Variants in ADAMTSL3 observed in about 807,000 individuals in gnomAD.
ADAMTSL3 encodes the protein ADAMTS like 3, also known as ADAMTS-like protein 3.
In ADAMTSL3, 128 loss-of-function variants were observed where a neutral mutation model predicts 201.7. The observed-to-expected ratio is 0.63, with a 90% CI of 0.55 to 0.73. The LOEUF (loss-of-function observed/expected upper bound fraction) is 0.73, where lower values mean the gene tolerates loss of function less well. ADAMTSL3 is among the 30% of genes least tolerant of loss of function. The probability of loss-of-function intolerance (pLI) is 0.00; values close to 1 mark genes in which losing one functional copy is unlikely to be tolerated. For synonymous variants in ADAMTSL3, 738 were observed against 748.4 expected, an observed-to-expected ratio of 0.99 and a Z score of 0.23; for missense variants, 1,990 against 2,119.6, an observed-to-expected ratio of 0.94 and a Z score of 1.20.
At chr15:83,710,389 T>G (rs1841534608) in intron 3 of ADAMTSL3, among the ~76,000 whole-genome samples, 1 of 152,224 alleles carries the variant, frequency 6.6e-6, no homozygotes, top group South Asian at 2.1e-4. Flanking sequence ...AAATTCTTAC[T>G]GTCTCTTGCT....
At chr15:83,774,594 C>T (rs900689275) in intron 4 of ADAMTSL3, among the ~76,000 whole-genome samples, 1 of 152,150 alleles carries the variant, frequency 6.6e-6, no homozygotes, top group African/African-American at 2.4e-5. Flanking sequence ...TGGTAGCATT[C>T]CCCCAGGGCG....
At chr15:83,810,452 A>G (rs564547386) in intron 5 of ADAMTSL3, among the ~76,000 whole-genome samples, 1 of 152,170 alleles carries the variant, frequency 6.6e-6, no homozygotes, top group African/African-American at 2.4e-5. Context: ...CACCTTTTTC[A>G]TGGGTGCATT....
chr15:83,798,666 C>T (rs1454234708), intron 4 of ADAMTSL3, among the ~76,000 whole-genome samples: 5 of 151,868 alleles, frequency 3.3e-5, no homozygotes, highest in Admixed American at 6.6e-5. Context: ...ATTAGCCAGG[C>T]GTGGTCAGTG....
At chr15:83,695,080 G>A (rs1451124087) in intron 2 of ADAMTSL3, among the ~76,000 whole-genome samples, 6 of 147,650 alleles carry the variant, frequency 4.1e-5, no homozygotes, top group Non-Finnish European at 7.5e-5. Flanking sequence ...TGTATGTAGT[G>A]TGTGGGGTGT....
intron 3 of ADAMTSL3, among the ~76,000 whole-genome samples, chr15:83,708,766 A>C (rs1413481534): frequency 1.3e-5 from 2 of 152,220 alleles, no homozygotes; most frequent in Non-Finnish European, 2.9e-5. Context: ...TGTTAATTGG[A>C]TCATTCTGAT....
intron 2 of ADAMTSL3, among the ~76,000 whole-genome samples, chr15:83,685,352 C>T (rs1244465287): frequency 6.6e-6 from 1 of 152,046 alleles, no homozygotes; most frequent in Admixed American, 6.6e-5. Context: ...GAAATATAAG[C>T]TCTTGGACAG....
intron 19 of ADAMTSL3, among the ~76,000 whole-genome samples, chr15:83,951,132 A>G (rs1250886585): frequency 6.6e-6 from 1 of 151,696 alleles, no homozygotes; most frequent in African/African-American, 2.4e-5. Flanking sequence ...TTCCCCATTC[A>G]GTATGATACT....
At chr15:83,811,151 T>G (rs1341208196) in intron 5 of ADAMTSL3, among the ~76,000 whole-genome samples, 1 of 152,222 alleles carries the variant, frequency 6.6e-6, no homozygotes, top group Non-Finnish European at 1.5e-5. Context: ...TAGTTATATG[T>G]GCAAAGATCC....
intron 23 of ADAMTSL3, among the ~76,000 whole-genome samples, chr15:84,002,936 CTTTTTTTT>C (rs368176543): frequency 5.0e-5 from 5 of 99,986 alleles, no homozygotes; most frequent in African/African-American, 8.0e-5. Flanking sequence ...CTTTTCTTTT[CTTTTTTTT>C]TTTTTTTTTT....
chr15:83,775,392 G>A (rs1240198257), intron 4 of ADAMTSL3, among the ~76,000 whole-genome samples: 1 of 151,672 alleles, frequency 6.6e-6, no homozygotes, highest in Non-Finnish European at 1.5e-5. Context: ...AGAATTTAGA[G>A]GAATATATTA....
At chr15:83,766,379 C>A (rs1260846743) in intron 3 of ADAMTSL3, among the ~76,000 whole-genome samples, 2 of 152,140 alleles carry the variant, frequency 1.3e-5, no homozygotes, top group African/African-American at 4.8e-5. Flanking sequence ...CATGTGAGTT[C>A]ATGAACATCA....
chr15:83,761,606 A>C (rs1018706764), intron 3 of ADAMTSL3, among the ~76,000 whole-genome samples: 1 of 152,166 alleles, frequency 6.6e-6, no homozygotes, highest in African/African-American at 2.4e-5. Flanking sequence ...ATTCCTCTCC[A>C]TCAGACTTTT....
At chr15:83,952,045 A>G (rs952672182) in intron 19 of ADAMTSL3, among the ~76,000 whole-genome samples, 4 of 152,010 alleles carry the variant, frequency 2.6e-5, no homozygotes. Flanking sequence ...ATGTATTGTT[A>G]GGTTGTTTAC....
At chr15:83,933,168 G>A (rs565760200) in intron 17 of ADAMTSL3, among the ~76,000 whole-genome samples, 3 of 152,242 alleles carry the variant, frequency 2.0e-5, no homozygotes, top group Non-Finnish European at 4.4e-5. Flanking sequence ...AGGTAAAATG[G>A]AAGAGAGAGC....
rs1235656319 is a variant in ADAMTSL3, at chr15:83,757,878, G to C, written c.190-15645G>C. The stretch of plus-strand genomic sequence containing the variant: ...CATATCTCTAGGGCAGGTACAAAAT[G>C]ATGCCAGTCTCTTTGCTAAAGCATA... On this transcript the variant is annotated intron_variant, in intron 3 of 29. Coordinates refer to ENST00000286744, the MANE Select transcript of ADAMTSL3 (RefSeq NM_207517.3). Among the ~76,000 whole-genome samples, 3 of 152,260 alleles carry C rather than the reference G, an allele frequency of 2.0e-5. No individual in the cohort carries two copies. In the East Asian group the frequency reaches 5.8e-4, roughly 29 times the overall value.
intron 3 of ADAMTSL3, among the ~76,000 whole-genome samples, chr15:83,714,649 TTCTC>T (rs1451894100): frequency 1.3e-5 from 2 of 151,458 alleles, no homozygotes; most frequent in African/African-American, 4.8e-5. Context: ...TTTCCTTTCT[TTCTC>T]TCTCTCCCTT....
At chr15:83,657,891 G>GT (rs1427220354) in intron 2 of ADAMTSL3, among the ~76,000 whole-genome samples, 6 of 152,170 alleles carry the variant, frequency 3.9e-5, no homozygotes, top group Non-Finnish European at 8.8e-5. Context: ...TGGATGCTCT[G>GT]TTTTTTCCGT....
intron 5 of ADAMTSL3, among the ~76,000 whole-genome samples, chr15:83,806,325 A>G (rs1014026601): frequency 6.6e-6 from 1 of 152,178 alleles, no homozygotes; most frequent in Non-Finnish European, 1.5e-5. Flanking sequence ...GTGCACCACT[A>G]CTGCCCTAAA....
intron 12 of ADAMTSL3, among the ~76,000 whole-genome samples, 194 bp from the exon 13 acceptor site, chr15:83,892,490 A>G (rs1189646636): frequency 2.6e-5 from 4 of 152,132 alleles, no homozygotes; most frequent in African/African-American, 9.7e-5. Context: ...AGATTGCGCC[A>G]TTGCACTCCA....
Sources: gnomAD v4.1 joint callset for allele counts (sites outside exome capture counted in the v4.1 genomes callset) on GRCh38, gnomAD v4.1.1 for gene constraint, MANE v1.5 for transcripts, NCBI Gene and HGNC (gene_info 2026-07-23, HGNC 2026-07-21) for gene names.